The following ARFGEF3 variants were observed in gnomAD, a reference collection of about 807,000 sequenced individuals.
The protein encoded by ARFGEF3 is brefeldin A-inhibited guanine nucleotide-exchange protein 3.
ARFGEF3 carries 96 observed loss-of-function variants against 221.7 expected under a neutral mutation model. That is an observed-to-expected ratio of 0.43 (90% CI 0.37 to 0.51). The LOEUF (loss-of-function observed/expected upper bound fraction) is 0.51. Ranked by LOEUF, ARFGEF3 falls within the 20% of genes least tolerant of loss-of-function variation. The probability of loss-of-function intolerance (pLI) is 0.00; values close to 1 mark genes in which losing one functional copy is unlikely to be tolerated. For missense variants in ARFGEF3, 2,410 were observed against 2,789.9 expected, an observed-to-expected ratio of 0.86 and a Z score of 3.07; for synonymous variants, 1,145 against 1,126.8, an observed-to-expected ratio of 1.02 and a Z score of -0.32.
At chr6:138,333,049 T>C (rs903404737) in intron 32 of ARFGEF3, among the ~76,000 whole-genome samples, 8 of 152,262 alleles carry the variant, frequency 5.3e-5, no homozygotes, top group African/African-American at 1.7e-4. Flanking sequence ...ACGGTTGTCA[T>C]AATTTTATAA....
chr6:138,298,869 A>G, intron 22 of ARFGEF3, 84 bp downstream of exon 22: 1 of 987,984 alleles, frequency 1.0e-6, no homozygotes, highest in South Asian at 1.7e-5. Flanking sequence ...TCGCACACTT[A>G]CTCTTTCCAA....
chr6:138,202,957 A>G (rs1426773838), intron 2 of ARFGEF3, among the ~76,000 whole-genome samples: 1 of 151,984 alleles, frequency 6.6e-6, no homozygotes, highest in African/African-American at 2.4e-5. Context: ...ATCTCTTCAA[A>G]GGCAGTCCTA....
In ARFGEF3 at chr6:138,215,378, A is replaced by G. The variant is rs1205245405; in HGVS notation, c.351+5337A>G. Among the ~76,000 whole-genome samples, 3 of 152,194 alleles carry G rather than the reference A, an allele frequency of 2.0e-5. No individual in the cohort carries two copies. The East Asian group carries it at 5.8e-4, about 29-fold the overall frequency. On this transcript the variant is annotated intron_variant, in intron 4 of 33. Coordinates refer to ENST00000251691, the MANE Select transcript of ARFGEF3 (RefSeq NM_020340.5). ...TGGACACTGAGAGAGCATTTGATGA[A>G]TATTCTATTACTGGGTGTCTTTTTT... is the stretch of plus-strand genomic sequence containing the variant.
intron 32 of ARFGEF3, among the ~76,000 whole-genome samples, chr6:138,330,684 CAAAAAGT>C (rs1780212894): frequency 6.6e-6 from 1 of 152,028 alleles, no homozygotes; most frequent in Admixed American, 6.6e-5. Context: ...AACCAACAAA[CAAAAAGT>C]TTGCCAGGTT....
In ARFGEF3 at chr6:138,321,114, T is replaced by C; in HGVS notation, c.4655T>C (p.Ile1552Thr). The change falls in exon 29 of 34, where the codon ATC becomes ACC. Residue 1552 changes from isoleucine (I) to threonine (T), a missense_variant. Ile to Thr is a moderately conservative substitution (Grantham distance 89). This residue lies in a region of ARFGEF3 where 723 missense variants were observed against 991.9 expected (regional missense o/e 0.73). Coordinates refer to ENST00000251691, the MANE Select transcript of ARFGEF3 (RefSeq NM_020340.5). ...GTGATTTTGCTGTTTCCCATAGATATCAGGTACGAGAGCATGATCAATACC... is the reference window on the plus strand; with the variant it reads ...GTGATTTTGCTGTTTCCCATAGATACCAGGTACGAGAGCATGATCAATACC... ...EHIQSFLHSD[I>T]RYESMINTML... 1 of 1,548,492 alleles carries C rather than the reference T, an allele frequency of 6.5e-7. No individual in the cohort carries two copies. Among genetic ancestry groups the C allele is most frequent in the South Asian group, 1.2e-5 (1 of 84,050 alleles).
In ARFGEF3 at chr6:138,205,347, G is replaced by A. The variant is rs193238662; in HGVS notation, c.138-1695G>A. ...ATTATGCCCTTTCATTGGCCAATCT[G>A]ACTCCAACTTCAAGTGGAAAGTTCT... On this transcript the variant is annotated intron_variant, in intron 2 of 33. Coordinates refer to ENST00000251691, the MANE Select transcript of ARFGEF3 (RefSeq NM_020340.5). 5.9e-5 allele frequency among the ~76,000 whole-genome samples: 9 copies of A among 152,268 alleles called. No homozygotes were observed. The East Asian group carries it at 1.7e-3, about 29-fold the overall frequency.
chr6:138,173,832 G>C (rs181432793), intron 2 of ARFGEF3, among the ~76,000 whole-genome samples: 1 of 152,086 alleles, frequency 6.6e-6, no homozygotes, highest in Admixed American at 6.6e-5. Context: ...ATGAATATAC[G>C]CATATGTACA....
intron 4 of ARFGEF3, among the ~76,000 whole-genome samples, chr6:138,229,119 T>G (rs1335077100): frequency 6.6e-6 from 1 of 152,206 alleles, no homozygotes; most frequent in Non-Finnish European, 1.5e-5. Flanking sequence ...GTAAACACCA[T>G]GTAACATTCT....
chr6:138,320,232 G>C (rs376679212), intron 28 of ARFGEF3, among the ~76,000 whole-genome samples: 3 of 151,134 alleles, frequency 2.0e-5, no homozygotes, highest in African/African-American at 4.9e-5. Flanking sequence ...CGTAGCCTGT[G>C]GGGGGGTAGC....
chr6:138,229,140 G>A (rs1486747817), intron 4 of ARFGEF3, among the ~76,000 whole-genome samples: 1 of 152,246 alleles, frequency 6.6e-6, no homozygotes, highest in Non-Finnish European at 1.5e-5. Context: ...GGAGGAAATT[G>A]CAAGAGGGAA....
At chr6:138,288,786 G>A (rs117642857) in intron 17 of ARFGEF3, among the ~76,000 whole-genome samples, 4,351 of 152,274 alleles carry the variant, frequency 0.029, 71 homozygotes, top group Non-Finnish European at 0.044. Context: ...TTCCTTTGAG[G>A]TTGGCTTGCT....
In ARFGEF3 at chr6:138,336,925, T is replaced by TG. The variant is rs1780337614; in HGVS notation, c.*439_*440insG. 1 of 152,586 alleles carries TG rather than the reference T, an allele frequency of 6.6e-6. No homozygotes were observed. Among genetic ancestry groups the TG allele is most frequent in the Non-Finnish European group, 1.5e-5 (1 of 68,198 alleles). The allele number at this position is 152,586 out of a possible 1,614,324, so 9.5% of individuals were successfully genotyped here. A position where few individuals can be genotyped will look rare whatever the true frequency, so the allele number is the denominator to read the frequency against. ...TCAAGCTGATAAACACTCAGACATCTAGTACCAGGGATTATTAATTGGAGG... is the reference window on the plus strand; with the variant it reads ...TCAAGCTGATAAACACTCAGACATCTGAGTACCAGGGATTATTAATTGGAGG... On this transcript the variant is annotated 3_prime_UTR_variant, in exon 34 of 34. Transcript: ENST00000251691.
At chr6:138,285,844 A>C in intron 14 of ARFGEF3, 102 bp from the exon 15 acceptor site, 1 of 696,976 alleles carries the variant, frequency 1.4e-6, no homozygotes, top group East Asian at 2.7e-5. Context: ...AACATAAAAG[A>C]TACAAGGGAT....
intron 14 of ARFGEF3, among the ~76,000 whole-genome samples, chr6:138,280,508 A>G (rs1178931978): frequency 6.6e-6 from 1 of 152,218 alleles, no homozygotes; most frequent in East Asian, 1.9e-4. Context: ...TGCCCATATC[A>G]TTCAGTGTTC....
At chr6:138,332,395 G>C (rs1780243297) in intron 32 of ARFGEF3, among the ~76,000 whole-genome samples, 1 of 151,910 alleles carries the variant, frequency 6.6e-6, no homozygotes, top group African/African-American at 2.4e-5. Context: ...CCTGGTTACT[G>C]GGGACAAGAA....
rs139426666 is a variant in ARFGEF3 at position 138,334,086 on chromosome 6, C to T, written c.5240C>T (p.Thr1747Met). ...GGCCCCTCTCCTGGAGAGGAAAAGA[C>T]GATACAAGTGCCAGAAGCCAAGCTG... ...VKGPSPGEEK[T>M]IQVPEAKLAG... is the part of the protein sequence containing the mutation. The change falls in exon 33 of 34, where the codon ACG (threonine) becomes ATG (methionine). Residue 1747 changes from threonine to methionine, a missense_variant. Thr to Met is a moderately conservative substitution (Grantham distance 81, BLOSUM62 -1). Around this residue, in one of 5 missense-constraint regions of ARFGEF3, gnomAD observed 723 missense variants for 991.9 expected, o/e 0.73. Transcript: ENST00000251691. The surrounding 1 kb of genome is among the most constrained non-coding windows in gnomAD (Gnocchi z 5.1). 1.6e-4 allele frequency: 254 copies of T among 1,613,890 alleles called. No homozygotes were observed. Among genetic ancestry groups the T allele is most frequent in the Middle Eastern group, 9.9e-4 (6 of 6,062 alleles).
chr6:138,200,613 G>A (rs943872929), intron 2 of ARFGEF3, among the ~76,000 whole-genome samples: 2 of 152,130 alleles, frequency 1.3e-5, no homozygotes, highest in Non-Finnish European at 2.9e-5. Context: ...GGGATAATTG[G>A]CTAGCCACAT....
intron 4 of ARFGEF3, among the ~76,000 whole-genome samples, chr6:138,228,417 T>C (rs1304847387): frequency 1.3e-5 from 2 of 151,138 alleles, no homozygotes; most frequent in African/African-American, 4.9e-5. Flanking sequence ...GAACTCCTAA[T>C]CTCAAGTGAT....
At position 138,263,564 on chromosome 6, in the gene ARFGEF3, A is replaced by G. The variant is rs1778832030; in HGVS notation, c.2081A>G (p.Glu694Gly). 6.2e-7 allele frequency: 1 copy of G among 1,612,080 alleles called. No individual in the cohort carries two copies. Among genetic ancestry groups the G allele is most frequent in the Non-Finnish European group, 8.5e-7 (1 of 1,179,560 alleles). ...LPRLLSLSNV[E>G]EVDTALQNFA... The stretch of plus-strand genomic sequence containing the variant: ...CGGCTCCTGTCTCTCTCCAATGTAG[A>G]GGAGGTGGACACCGCTCTGCAGAAC... The change falls in exon 12 of 34, where the codon GAG becomes GGG. Residue 694 changes from glutamate to glycine, a missense_variant. Around this residue, in one of 5 missense-constraint regions of ARFGEF3, gnomAD observed 594 missense variants for 734.3 expected, o/e 0.81. Coordinates refer to ENST00000251691, the MANE Select transcript of ARFGEF3 (RefSeq NM_020340.5).
Sources: gnomAD v4.1 joint callset for allele counts (sites outside exome capture counted in the v4.1 genomes callset) on GRCh38, gnomAD v4.1.1 for gene constraint, gnomAD v4.1.1 regional missense constraint, Gnocchi (gnomAD v3.1) non-coding constraint, MANE v1.5 for transcripts, NCBI Gene and HGNC (gene_info 2026-07-23, HGNC 2026-07-21) for gene names.